The following MAML2 variants were observed in gnomAD, a reference collection of about 807,000 sequenced individuals.
MAML2 encodes mastermind like transcriptional coactivator 2, also known as mastermind-like protein 2.
In MAML2, 22 loss-of-function variants were observed where a neutral mutation model predicts 96.1. The observed-to-expected ratio is 0.23, with a 90% CI of 0.16 to 0.33. The LOEUF (loss-of-function observed/expected upper bound fraction) is 0.33, where lower values mean the gene tolerates loss of function less well. MAML2 is among the 10% of genes least tolerant of loss of function. The probability of loss-of-function intolerance (pLI) is 1.00; values close to 1 mark genes in which losing one functional copy is unlikely to be tolerated. For synonymous variants in MAML2, 561 were observed against 521.3 expected (o/e 1.08, Z -1.04); for missense variants, 1,367 against 1,392.4 (o/e 0.98, Z 0.29).
chr11:96,002,297 A>G (rs1858090487), intron 2 of MAML2, among the ~76,000 whole-genome samples: 1 of 152,206 alleles, frequency 6.6e-6, no homozygotes, highest in Non-Finnish European at 1.5e-5. Context: ...AAAAATGAGG[A>G]CAGAACTTCC....
At chr11:95,988,370 T>G (rs1857861478) in intron 3 of MAML2, among the ~76,000 whole-genome samples, 1 of 151,742 alleles carries the variant, frequency 6.6e-6, no homozygotes, top group South Asian at 2.1e-4. Context: ...GCGATTCTTC[T>G]GCCTCAGTCT....
At chr11:96,111,484 T>A (rs971661233) in intron 1 of MAML2, among the ~76,000 whole-genome samples, 2 of 152,200 alleles carry the variant, frequency 1.3e-5, no homozygotes, top group African/African-American at 4.8e-5. Context: ...TCCACTCAGA[T>A]CTCTCTAATC....
chr11:96,147,631 A>C (rs1478675079), intron 1 of MAML2, among the ~76,000 whole-genome samples: 2 of 152,274 alleles, frequency 1.3e-5, no homozygotes, highest in African/African-American at 4.8e-5. Context: ...GAAGAAACAA[A>C]GACAATTTAA....
chr11:96,006,684 G>T (rs1012945619), intron 2 of MAML2, among the ~76,000 whole-genome samples: 1 of 150,846 alleles, frequency 6.6e-6, no homozygotes, highest in Non-Finnish European at 1.5e-5. Context: ...TCAGCCTCCC[G>T]AGTAGCTGGG....
intron 4 of MAML2, among the ~76,000 whole-genome samples, chr11:95,980,902 C>G (rs370172420): frequency 2.1e-4 from 32 of 152,332 alleles, no homozygotes; most frequent in African/African-American, 7.5e-4. Context: ...CTAACACAGC[C>G]TGAAGGCTGA....
intron 2 of MAML2, among the ~76,000 whole-genome samples, chr11:96,034,432 T>TGTGTGTGTGAGA (rs549312275): frequency 2.2e-5 from 3 of 135,748 alleles, no homozygotes; most frequent in South Asian, 2.4e-4. Flanking sequence ...TGTGTGTGTG[T>TGTGTGTGTGAGA]GAGAGAGAGA....
At chr11:96,307,267 T>C (rs1254608603) in intron 1 of MAML2, among the ~76,000 whole-genome samples, 1 of 152,190 alleles carries the variant, frequency 6.6e-6, no homozygotes, top group Non-Finnish European at 1.5e-5. Flanking sequence ...TGAAAGGAGA[T>C]AGCAACGGAG....
At chr11:96,093,625 A>G in intron 1 of MAML2, 108 bp from the exon 2 acceptor site, 4 of 869,602 alleles carry the variant, frequency 4.6e-6, no homozygotes, top group Non-Finnish European at 5.2e-6. Flanking sequence ...TACACACAAG[A>G]TTCAGTTTTT....
intron 1 of MAML2, among the ~76,000 whole-genome samples, chr11:96,107,306 TG>T (rs1181574995): frequency 6.6e-5 from 10 of 152,168 alleles, no homozygotes; most frequent in Non-Finnish European, 1.5e-5. Context: ...ATAGGAGCTT[TG>T]GGGGTAGTTT....
chr11:96,006,872 T>TACAC (rs57492080), intron 2 of MAML2, among the ~76,000 whole-genome samples: 2,524 of 123,964 alleles, frequency 0.02, 38 homozygotes, highest in African/African-American at 0.04. Flanking sequence ...GAATATCTTA[T>TACAC]ACACACACAC....
intron 2 of MAML2, among the ~76,000 whole-genome samples, chr11:95,992,617 G>A (rs1226712022): frequency 6.6e-6 from 1 of 152,194 alleles, no homozygotes; most frequent in Non-Finnish European, 1.5e-5. Context: ...TATCACCCAA[G>A]TGAGGGAGAA....
intron 1 of MAML2, among the ~76,000 whole-genome samples, chr11:96,308,832 C>T (rs190762651): frequency 3.0e-4 from 46 of 152,216 alleles, no homozygotes; most frequent in African/African-American, 1.1e-3. Context: ...TGTAGCTAAC[C>T]TCATGTCTTA....
intron 1 of MAML2, among the ~76,000 whole-genome samples, chr11:96,225,869 A>T (rs1183356449): frequency 6.6e-6 from 1 of 152,182 alleles, no homozygotes; most frequent in Non-Finnish European, 1.5e-5. Context: ...CAGATTGTAC[A>T]GAGATCGTAC....
intron 1 of MAML2, among the ~76,000 whole-genome samples, chr11:96,291,391 T>A (rs532956492): frequency 5.9e-5 from 9 of 152,278 alleles, no homozygotes; most frequent in African/African-American, 2.2e-4. Context: ...CCTCTCAAAG[T>A]GCTGGGATTA....
intron 2 of MAML2, among the ~76,000 whole-genome samples, chr11:96,043,039 C>T (rs754407316): frequency 1.3e-5 from 2 of 152,182 alleles, no homozygotes; most frequent in Admixed American, 6.5e-5. Flanking sequence ...AGCCACCACC[C>T]GGCGAATCCT....
At chr11:96,029,149 G>A (rs1858571351) in intron 2 of MAML2, among the ~76,000 whole-genome samples, 2 of 144,046 alleles carry the variant, frequency 1.4e-5, no homozygotes, top group Admixed American at 7.0e-5. Context: ...TGCTAGGGAA[G>A]TGAAGAGTGA....
intron 1 of MAML2, among the ~76,000 whole-genome samples, chr11:96,331,790 C>T (rs547166860): frequency 3.7e-4 from 50 of 136,282 alleles, no homozygotes; most frequent in Non-Finnish European, 6.8e-4. Context: ...TGCACTCCAG[C>T]GTGGGCGAAA....
chr11:96,190,029 G>T lies in MAML2; in HGVS notation c.514-96512C>A, dbSNP rs565222801. On this transcript the variant is annotated intron_variant, in intron 1 of 4. Coordinates refer to ENST00000524717, the MANE Select transcript of MAML2 (RefSeq NM_032427.4). ...TTTTTTACTCCCTTTTTCAAGGAATGATTTCACACTGAAAATTTGTTAAGA... is the reference window on the plus strand; with the variant it reads ...TTTTTTACTCCCTTTTTCAAGGAATTATTTCACACTGAAAATTTGTTAAGA... Among the ~76,000 whole-genome samples the T allele has an allele frequency of 6.6e-5, 10 of 152,238 alleles. No individual in the cohort carries two copies. In the South Asian group the frequency reaches 2.1e-3, roughly 32 times the overall value.
At chr11:96,338,781 T>C (rs757353128) in intron 1 of MAML2, among the ~76,000 whole-genome samples, 1 of 152,210 alleles carries the variant, frequency 6.6e-6, no homozygotes, top group Non-Finnish European at 1.5e-5. Flanking sequence ...AATCTGGTTA[T>C]GGACACAGTA....
Sources: gnomAD v4.1 joint callset for allele counts (sites outside exome capture counted in the v4.1 genomes callset) on GRCh38, gnomAD v4.1.1 for gene constraint, MANE v1.5 for transcripts, NCBI Gene and HGNC (gene_info 2026-07-23, HGNC 2026-07-21) for gene names.